The following CYP2J2 variants were observed in gnomAD, a reference collection of about 807,000 sequenced individuals.
The protein encoded by CYP2J2 is cytochrome P450 family 2 subfamily J member 2.
A neutral mutation model predicts 48.8 loss-of-function variants in CYP2J2; 41 were observed. That is an observed-to-expected ratio of 0.84 (90% CI 0.66 to 1.09). The LOEUF is 1.09. Ranked by LOEUF, CYP2J2 falls within the 50% of genes least tolerant of loss-of-function variation. The pLI, the probability that CYP2J2 is intolerant of heterozygous loss-of-function variation, is 0.00. For synonymous variants in CYP2J2, 221 were observed against 227.1 expected, an observed-to-expected ratio of 0.97 and a Z score of 0.24; for missense variants, 644 against 617.3, an observed-to-expected ratio of 1.04 and a Z score of -0.46.
chr1:59,906,422 C>T (rs1221614842), intron 6 of CYP2J2, among the ~76,000 whole-genome samples: 1 of 151,826 alleles, frequency 6.6e-6, no homozygotes, highest in Non-Finnish European at 1.5e-5. Flanking sequence ...AGCTGGGAAC[C>T]CTAATGGCTT....
intron 1 of CYP2J2, among the ~76,000 whole-genome samples, chr1:59,926,190 T>C (rs999154990): frequency 6.6e-6 from 1 of 152,182 alleles, no homozygotes; most frequent in Non-Finnish European, 1.5e-5. Context: ...CCATTTTATG[T>C]ATGGGAAATG....
intron 7 of CYP2J2, chr1:59,904,536 T>C: frequency 5.2e-6 from 1 of 191,516 alleles, no homozygotes; most frequent in Non-Finnish European, 1.1e-5. Context: ...CAAAGAAAAG[T>C]GTTCTGTGAT....
intron 7 of CYP2J2, among the ~76,000 whole-genome samples, chr1:59,902,279 T>A (rs149978542): frequency 6.6e-6 from 1 of 152,300 alleles, no homozygotes; most frequent in African/African-American, 2.4e-5. Flanking sequence ...TTTCTAAATA[T>A]GTACTTGCAT....
At chr1:59,928,686 C>T (rs1274615319), upstream of CYP2J2, among the ~76,000 whole-genome samples, 2 of 152,186 alleles carry the variant, frequency 1.3e-5, no homozygotes, top group African/African-American at 4.8e-5. Flanking sequence ...AATACCTACC[C>T]CGGGCCATAA....
chr1:59,963,841 G>T, the CYP2J2 span, among the ~76,000 whole-genome samples: 1 of 152,098 alleles, frequency 6.6e-6, no homozygotes, highest in Non-Finnish European at 1.5e-5. Flanking sequence ...TTTTTTATTA[G>T]AACACTTCTA....
At chr1:59,918,382 T>G (rs1557428127) in intron 1 of CYP2J2, among the ~76,000 whole-genome samples, 1 of 152,228 alleles carries the variant, frequency 6.6e-6, no homozygotes, top group Non-Finnish European at 1.5e-5. Flanking sequence ...CAGAACTCCA[T>G]TACTATTTAC....
In CYP2J2 at chr1:59,909,942, A is replaced by G. The variant is rs1471069538; in HGVS notation, c.703T>C (p.Trp235Arg). 1.2e-6 allele frequency: 2 copies of G among 1,608,122 alleles called. No individual in the cohort carries two copies. The highest frequency in any genetic ancestry group is 1.7e-6 in the Non-Finnish European group (2 of 1,178,308). Residue 235 changes from tryptophan (W) to arginine (R), a missense_variant, in exon 5 of 9, where the codon TGG (tryptophan) becomes CGG (arginine). Physicochemically the swap from Trp to Arg is moderately radical, Grantham distance 101. Coordinates refer to ENST00000371204, the MANE Select transcript of CYP2J2 (RefSeq NM_000775.4). ...KTCQLYNVFP[W>R]IMKFLPGPHQ... ...GGTCCAGGCAGGAATTTCATTATCCATGGAAAGACATTGTAGAGCTAATTG... is the reference window on the plus strand; with the variant it reads ...GGTCCAGGCAGGAATTTCATTATCCGTGGAAAGACATTGTAGAGCTAATTG...
the CYP2J2 span, among the ~76,000 whole-genome samples, chr1:59,956,417 C>T: frequency 1.3e-5 from 2 of 152,042 alleles, no homozygotes; most frequent in African/African-American, 2.4e-5. Flanking sequence ...TCTGATGATA[C>T]CTTTGAACTT....
At chr1:59,924,747 C>T (rs1203588655) in intron 1 of CYP2J2, among the ~76,000 whole-genome samples, 1 of 151,408 alleles carries the variant, frequency 6.6e-6, no homozygotes, top group East Asian at 1.9e-4. Context: ...AAAAGGAAAA[C>T]AGAGGCATAA....
At chr1:59,950,119 C>T in the CYP2J2 span, among the ~76,000 whole-genome samples, 1 of 152,058 alleles carries the variant, frequency 6.6e-6, no homozygotes, top group Admixed American at 6.5e-5. Context: ...ATTAGCACTC[C>T]AGCTAAAGAC....
At chr1:59,940,641 CA>C in the CYP2J2 span, among the ~76,000 whole-genome samples, 1 of 152,084 alleles carries the variant, frequency 6.6e-6, no homozygotes, top group African/African-American at 2.4e-5. Context: ...ATAATTATAT[CA>C]AAAAGATACC....
the CYP2J2 span, among the ~76,000 whole-genome samples, chr1:59,933,024 A>G: frequency 6.6e-6 from 1 of 152,216 alleles, no homozygotes; most frequent in Non-Finnish European, 1.5e-5. Flanking sequence ...AAATAACAGC[A>G]ATGTATTCAG....
At chr1:59,902,572 C>T (rs559977646) in intron 7 of CYP2J2, among the ~76,000 whole-genome samples, 102 of 152,120 alleles carry the variant, frequency 6.7e-4, no homozygotes, top group African/African-American at 2.2e-3. Context: ...CCCACCACCA[C>T]GCCTGGCTAG....
At chr1:59,939,006 C>T in the CYP2J2 span, among the ~76,000 whole-genome samples, 3 of 152,134 alleles carry the variant, frequency 2.0e-5, no homozygotes, top group Non-Finnish European at 4.4e-5. Flanking sequence ...CATGTTTTTG[C>T]GAGTTCCAGG....
chr1:59,950,624 C>T, the CYP2J2 span, among the ~76,000 whole-genome samples: 6 of 152,136 alleles, frequency 3.9e-5, no homozygotes, highest in East Asian at 3.9e-4. Flanking sequence ...AAATCACCCC[C>T]GACCATAGTG....
intron 6 of CYP2J2, among the ~76,000 whole-genome samples, chr1:59,905,272 A>G (rs1244602985): frequency 6.6e-6 from 1 of 152,188 alleles, no homozygotes; most frequent in Non-Finnish European, 1.5e-5. Context: ...TGGAATGACC[A>G]GGATTAATAT....
chr1:59,899,803 T>C (rs1465620270), intron 8 of CYP2J2, among the ~76,000 whole-genome samples: 1 of 152,212 alleles, frequency 6.6e-6, no homozygotes, highest in East Asian at 1.9e-4. Context: ...GGGAGCAGTT[T>C]TGTTTTGTTT....
chr1:59,952,979 G>A, the CYP2J2 span, among the ~76,000 whole-genome samples: 1 of 152,186 alleles, frequency 6.6e-6, no homozygotes, highest in African/African-American at 2.4e-5. Context: ...TCAGCAACTG[G>A]AAAAGAGTGA....
At chr1:59,918,898 T>C (rs1644489241) in intron 1 of CYP2J2, among the ~76,000 whole-genome samples, 1 of 152,010 alleles carries the variant, frequency 6.6e-6, no homozygotes, top group Non-Finnish European at 1.5e-5. Context: ...AAATAAATGT[T>C]TACAGTAAAG....
Sources: allele counts gnomAD v4.1 joint callset (sites outside exome capture counted in the v4.1 genomes callset), GRCh38; gene constraint gnomAD v4.1.1; transcripts MANE v1.5; gene names NCBI Gene and HGNC (gene_info 2026-07-23, HGNC 2026-07-21).